Variants in MYO3B observed in about 807,000 individuals in gnomAD.
MYO3B encodes myosin-IIIb.
A neutral mutation model predicts 174.6 loss-of-function variants in MYO3B; 156 were observed. That is an observed-to-expected ratio of 0.89 (90% CI 0.78 to 1.02). MYO3B has a LOEUF of 1.02. Ranked by LOEUF, MYO3B falls within the 50% of genes least tolerant of loss-of-function variation. MYO3B has a pLI of 0.00. For synonymous variants in MYO3B, 563 were observed against 569.1 expected (o/e 0.99, Z 0.15); for missense variants, 1,632 against 1,639.4 (o/e 1.00, Z 0.08).
chr2:170,584,786 A>G (rs924288672), intron 32 of MYO3B, among the ~76,000 whole-genome samples: 2 of 152,260 alleles, frequency 1.3e-5, no homozygotes, highest in African/African-American at 4.8e-5. Context: ...CATCAGCCAC[A>G]CAAGCTGCTA....
At chr2:170,598,628 C>T (rs1180248464) in intron 32 of MYO3B, among the ~76,000 whole-genome samples, 1 of 152,122 alleles carries the variant, frequency 6.6e-6, no homozygotes, top group Non-Finnish European at 1.5e-5. Context: ...ATTGAGACCA[C>T]ATGTGGTCTA....
intron 8 of MYO3B, among the ~76,000 whole-genome samples, chr2:170,347,080 T>C (rs1283274141): frequency 6.6e-6 from 1 of 152,138 alleles, no homozygotes; most frequent in Non-Finnish European, 1.5e-5. Flanking sequence ...AAATCAGCTG[T>C]AGCCTAAAAA....
intron 32 of MYO3B, among the ~76,000 whole-genome samples, chr2:170,632,083 A>T (rs944083441): frequency 6.6e-6 from 1 of 152,152 alleles, no homozygotes; most frequent in Non-Finnish European, 1.5e-5. Context: ...ACGAGACAGA[A>T]GATTAACACG....
At chr2:170,388,354 A>G (rs1331140345) in intron 14 of MYO3B, among the ~76,000 whole-genome samples, 4 of 152,164 alleles carry the variant, frequency 2.6e-5, no homozygotes, top group African/African-American at 9.7e-5. Context: ...ATTAAGGTGA[A>G]ACGAGAGAAG....
At chr2:170,571,211 C>G (rs1225877458) in intron 32 of MYO3B, among the ~76,000 whole-genome samples, 1 of 152,114 alleles carries the variant, frequency 6.6e-6, no homozygotes, top group Non-Finnish European at 1.5e-5. Context: ...TTGGTATGAT[C>G]CATGCCACAG....
At chr2:170,193,921 A>G (rs28711722) in intron 1 of MYO3B, among the ~76,000 whole-genome samples, 5 of 152,116 alleles carry the variant, frequency 3.3e-5, no homozygotes, top group African/African-American at 9.7e-5. Flanking sequence ...TTTTCTGTTT[A>G]ATTTGATTAT....
intron 32 of MYO3B, among the ~76,000 whole-genome samples, chr2:170,614,532 C>G (rs1189635984): frequency 6.6e-6 from 1 of 152,168 alleles, no homozygotes. Flanking sequence ...CTTCTCTCAC[C>G]AGCACTTACT....
chr2:170,438,058 A>C (rs888759616), intron 22 of MYO3B, among the ~76,000 whole-genome samples: 1 of 152,170 alleles, frequency 6.6e-6, no homozygotes, highest in Admixed American at 6.5e-5. Flanking sequence ...ACTAAAACTC[A>C]ATACCCACTG....
In MYO3B at chr2:170,654,245, T is replaced by C. The variant is rs2105520161; in HGVS notation, c.*1124T>C. ...CTACTTTATATAAAACATGACAAAT[T>C]GCAGTGTGATGTAATCAAAAACAAA... is the stretch of plus-strand genomic sequence containing the variant. On this transcript the variant is annotated 3_prime_UTR_variant, in exon 35 of 35. Coordinates refer to ENST00000408978, the MANE Select transcript of MYO3B (RefSeq NM_138995.5). 6.6e-6 allele frequency: 1 copy of C among 152,230 alleles called. No individual in the cohort carries two copies. Among genetic ancestry groups the C allele is most frequent in the Middle Eastern group, 3.4e-3 (1 of 294 alleles). The allele number at this position is 152,230 out of a possible 1,614,324, so 9.4% of individuals were successfully genotyped here.
At chr2:170,465,897 C>A (rs1684594621) in intron 24 of MYO3B, among the ~76,000 whole-genome samples, 1 of 152,066 alleles carries the variant, frequency 6.6e-6, no homozygotes, top group South Asian at 2.1e-4. Context: ...CAACTGAGGC[C>A]CTCCCTCACA....
chr2:170,255,256 C>T (rs571749422), intron 7 of MYO3B, among the ~76,000 whole-genome samples: 134 of 152,246 alleles, frequency 8.8e-4, no homozygotes, highest in Non-Finnish European at 1.1e-3. Flanking sequence ...GGTGAGGAAA[C>T]ACAGGTGCAA....
At chr2:170,431,653 G>C (rs1201845476) in intron 22 of MYO3B, among the ~76,000 whole-genome samples, 1 of 152,220 alleles carries the variant, frequency 6.6e-6, no homozygotes. Context: ...AGTCAATACA[G>C]TAATAGGGAA....
chr2:170,615,529 G>C (rs1695403003), intron 32 of MYO3B, among the ~76,000 whole-genome samples: 1 of 152,184 alleles, frequency 6.6e-6, no homozygotes, highest in Admixed American at 6.5e-5. Flanking sequence ...AGGGAAGTGA[G>C]TGAGGGGAGG....
chr2:170,654,646 T>TC lies in MYO3B; in HGVS notation c.*1526dup, dbSNP rs1269639937. 9 of 48,622 alleles carry TC rather than the reference T, an allele frequency of 1.9e-4. No individual in the cohort carries two copies. The highest frequency in any genetic ancestry group is 9.4e-4 in the African/African-American group (9 of 9,616). The allele number at this position is 48,622 out of a possible 1,614,324, so 3.0% of individuals were successfully genotyped here. A position where few individuals can be genotyped will look rare whatever the true frequency, so the allele number is the denominator to read the frequency against. ...CTGGGCGACAGGGCAAGACTCTGTC[T>TC]CAAAAAAAAAAAAAAAAAAAAAAAA... On this transcript the variant is annotated 3_prime_UTR_variant, in exon 35 of 35. Transcript: ENST00000408978.
At chr2:170,328,228 G>A (rs557260047) in intron 7 of MYO3B, among the ~76,000 whole-genome samples, 14 of 152,122 alleles carry the variant, frequency 9.2e-5, no homozygotes, top group East Asian at 3.9e-4. Context: ...ATATATCTTC[G>A]TCTGTGTCAC....
rs543135688 is a variant in MYO3B at position 170,347,693 on chromosome 2, A to G, written c.815+12243A>G. Among the ~76,000 whole-genome samples, 17 of 152,322 alleles carry G rather than the reference A, an allele frequency of 1.1e-4. 1 individual carries two copies. The South Asian group carries it at 3.5e-3, about 32-fold the overall frequency. ...AACACCAGGTCTGTGACATATTTCAATGTCTGCTCTGACGCTCATGATGCT... is the reference window on the plus strand; with the variant it reads ...AACACCAGGTCTGTGACATATTTCAGTGTCTGCTCTGACGCTCATGATGCT... On this transcript the variant is annotated intron_variant, in intron 8 of 34. Coordinates refer to ENST00000408978, the MANE Select transcript of MYO3B (RefSeq NM_138995.5).
At chr2:170,541,947 T>C (rs145775649) in intron 30 of MYO3B, among the ~76,000 whole-genome samples, 270 of 152,288 alleles carry the variant, frequency 1.8e-3, no homozygotes, top group African/African-American at 6.0e-3. Flanking sequence ...CAAATAAATA[T>C]ACGGAAATGA....
intron 32 of MYO3B, among the ~76,000 whole-genome samples, chr2:170,553,322 C>T (rs4482446): frequency 0.77 from 117,167 of 152,132 alleles, 45,636 homozygotes; most frequent in African/African-American, 0.87. Context: ...AGAACCAAAA[C>T]GCTGAGCTGC....
At chr2:170,303,143 G>T (rs2093677113) in intron 7 of MYO3B, among the ~76,000 whole-genome samples, 1 of 151,990 alleles carries the variant, frequency 6.6e-6, no homozygotes, top group Non-Finnish European at 1.5e-5. Context: ...TGTTGTAAAT[G>T]TTCCAACTAT....
Sources: allele counts gnomAD v4.1 joint callset (sites outside exome capture counted in the v4.1 genomes callset), GRCh38; gene constraint gnomAD v4.1.1; transcripts MANE v1.5; gene names NCBI Gene and HGNC (gene_info 2026-07-23, HGNC 2026-07-21).